The following NAALADL2 variants were observed in gnomAD, a reference collection of about 807,000 sequenced individuals.
The protein encoded by NAALADL2 is inactive N-acetylated-alpha-linked acidic dipeptidase-like protein 2.
NAALADL2 carries 76 observed loss-of-function variants against 87.2 expected under a neutral mutation model. The observed-to-expected ratio is 0.87, with a 90% CI of 0.72 to 1.05. NAALADL2 has a LOEUF of 1.05. Ranked by LOEUF, NAALADL2 falls within the 50% of genes least tolerant of loss-of-function variation. The pLI is 0.00. For missense variants in NAALADL2, 1,089 were observed against 945.8 expected, an observed-to-expected ratio of 1.15 and a Z score of -1.99; for synonymous variants, 354 against 331.0, an observed-to-expected ratio of 1.07 and a Z score of -0.75.
chr3:175,785,992 G>C (rs1299456732), intron 13 of NAALADL2, among the ~76,000 whole-genome samples: 1 of 151,914 alleles, frequency 6.6e-6, no homozygotes, highest in African/African-American at 2.4e-5. Context: ...ATGAAATTCT[G>C]GGTTGAAAAT....
chr3:174,690,291 TTAGA>T (rs1728459096), intron 2 of NAALADL2, among the ~76,000 whole-genome samples: 1 of 152,224 alleles, frequency 6.6e-6, no homozygotes, highest in African/African-American at 2.4e-5. Flanking sequence ...TGTATGATTT[TTAGA>T]TAGTGATATT....
intron 1 of NAALADL2, among the ~76,000 whole-genome samples, chr3:174,954,683 C>T (rs1379160405): frequency 6.6e-6 from 1 of 152,118 alleles, no homozygotes; most frequent in East Asian, 1.9e-4. Context: ...CATTAAAATG[C>T]AGATCCAACA....
At chr3:175,727,768 T>C (rs1009351242) in intron 11 of NAALADL2, among the ~76,000 whole-genome samples, 13 of 152,174 alleles carry the variant, frequency 8.5e-5, no homozygotes, top group Admixed American at 5.9e-4. Flanking sequence ...ATGTAAGCAG[T>C]GGAAGCAAGG....
At chr3:175,203,913 A>G (rs1384538050) in intron 2 of NAALADL2, among the ~76,000 whole-genome samples, 1 of 152,204 alleles carries the variant, frequency 6.6e-6, no homozygotes, top group African/African-American at 2.4e-5. Context: ...CAATAGCCTG[A>G]ACAAATCAAT....
intron 5 of NAALADL2, among the ~76,000 whole-genome samples, chr3:175,440,739 T>C (rs1390643639): frequency 6.6e-6 from 1 of 152,138 alleles, no homozygotes; most frequent in East Asian, 1.9e-4. Flanking sequence ...TATTTTTTAA[T>C]CCTGAAACTT....
chr3:175,673,293 G>T (rs1433866527), intron 11 of NAALADL2, among the ~76,000 whole-genome samples: 1 of 152,050 alleles, frequency 6.6e-6, no homozygotes, highest in Non-Finnish European at 1.5e-5. Context: ...ACATTGCTTT[G>T]CCTGCCAAAT....
At chr3:175,471,213 C>G (rs1017540509) in intron 8 of NAALADL2, among the ~76,000 whole-genome samples, 1 of 151,846 alleles carries the variant, frequency 6.6e-6, no homozygotes, top group South Asian at 2.1e-4. Context: ...TGGCCGGGTG[C>G]GGTGGCTCAC....
chr3:175,100,599 AG>A (rs1457658788), intron 2 of NAALADL2, among the ~76,000 whole-genome samples: 1 of 152,178 alleles, frequency 6.6e-6, no homozygotes, highest in Non-Finnish European at 1.5e-5. Flanking sequence ...GCAGTTTGGG[AG>A]GCCAAGGAGG....
chr3:174,489,247 T>A (rs1444521612), intron 1 of NAALADL2, among the ~76,000 whole-genome samples: 1 of 151,850 alleles, frequency 6.6e-6, no homozygotes, highest in Non-Finnish European at 1.5e-5. Context: ...GAAAGAAGAG[T>A]CTTTTTAGCT....
chr3:175,333,266 G>A (rs916591670), intron 5 of NAALADL2, among the ~76,000 whole-genome samples: 6 of 152,154 alleles, frequency 3.9e-5, no homozygotes, highest in Admixed American at 3.9e-4. Context: ...GTCCCCAAGA[G>A]GAGTGCTCAG....
At chr3:175,374,604 G>A (rs193198095) in intron 5 of NAALADL2, among the ~76,000 whole-genome samples, 20 of 149,040 alleles carry the variant, frequency 1.3e-4, no homozygotes, top group African/African-American at 4.7e-4. Flanking sequence ...TATAGGCCAG[G>A]TGTGGTGGCT....
In NAALADL2 at chr3:175,311,485, T is replaced by G. The variant is rs532432976; in HGVS notation, c.940-12690T>G. Among the ~76,000 whole-genome samples the G allele has an allele frequency of 3.2e-4, 49 of 152,286 alleles. No individual in the cohort carries two copies. The South Asian group carries it at 9.3e-3, about 29-fold the overall frequency. ...GATCCTGACATCATGGTTGCTTTAT[T>G]TGTAAAATAAGAATAATTCCACAGT... is the stretch of plus-strand genomic sequence containing the variant. On this transcript the variant is annotated intron_variant, in intron 4 of 13. Coordinates refer to ENST00000454872, the MANE Select transcript of NAALADL2 (RefSeq NM_207015.3).
At chr3:174,642,357 C>T (rs1371576181) in intron 2 of NAALADL2, among the ~76,000 whole-genome samples, 22 of 151,818 alleles carry the variant, frequency 1.4e-4, no homozygotes, top group African/African-American at 5.3e-4. Flanking sequence ...AAAAATTAGC[C>T]TGGCATGGTG....
chr3:175,357,846 T>A (rs1228037876), intron 5 of NAALADL2, among the ~76,000 whole-genome samples: 1 of 152,038 alleles, frequency 6.6e-6, no homozygotes, highest in East Asian at 1.9e-4. Context: ...TAAAGGGAAT[T>A]GGGTTTATAG....
intron 13 of NAALADL2, among the ~76,000 whole-genome samples, chr3:175,791,056 C>T (rs1752717515): frequency 1.3e-5 from 2 of 152,144 alleles, no homozygotes; most frequent in Admixed American, 1.3e-4. Context: ...GCATCTGAAT[C>T]TCTTAAGCAC....
chr3:175,673,868 T>A (rs769085014), intron 11 of NAALADL2, among the ~76,000 whole-genome samples: 10 of 151,836 alleles, frequency 6.6e-5, no homozygotes, highest in Non-Finnish European at 1.3e-4. Context: ...TCTCCATGCA[T>A]ATAGGCAGGT....
At chr3:175,619,417 A>T (rs554569997) in intron 10 of NAALADL2, among the ~76,000 whole-genome samples, 1 of 151,884 alleles carries the variant, frequency 6.6e-6, no homozygotes, top group African/African-American at 2.4e-5. Flanking sequence ...AATCCATTGC[A>T]TAGAAAACCT....
chr3:174,896,167 G>A (rs1358625405), intron 1 of NAALADL2, among the ~76,000 whole-genome samples: 1 of 152,004 alleles, frequency 6.6e-6, no homozygotes, highest in Non-Finnish European at 1.5e-5. Flanking sequence ...CATAGTACTG[G>A]AAATCCTAGC....
intron 5 of NAALADL2, among the ~76,000 whole-genome samples, chr3:175,372,647 T>C (rs888512441): frequency 2.6e-5 from 4 of 152,242 alleles, no homozygotes; most frequent in African/African-American, 9.6e-5. Context: ...ATATGCCTCA[T>C]TGGCCTTAAC....
Sources: gnomAD v4.1 joint callset for allele counts (sites outside exome capture counted in the v4.1 genomes callset) on GRCh38, gnomAD v4.1.1 for gene constraint, MANE v1.5 for transcripts, NCBI Gene and HGNC (gene_info 2026-07-23, HGNC 2026-07-21) for gene names.